The following DACH1 variants were observed in gnomAD, a reference collection of about 807,000 sequenced individuals.
DACH1 encodes the protein dachshund family transcription factor 1, also known as dachshund homolog 1.
DACH1 carries 12 observed loss-of-function variants against 54.2 expected under a neutral mutation model. The ratio of observed to expected loss-of-function variants is 0.22; its 90% CI spans 0.14 to 0.36. DACH1 has a LOEUF of 0.36. Ranked by LOEUF, DACH1 falls within the 10% of genes least tolerant of loss-of-function variation. The pLI is 1.00. For missense variants in DACH1, 805 were observed against 929.8 expected (o/e 0.87, Z 1.75); for synonymous variants, 386 against 366.2 (o/e 1.05, Z -0.62).
intron 6 of DACH1, among the ~76,000 whole-genome samples, chr13:71,532,591 C>T (rs1882486791): frequency 6.6e-6 from 1 of 151,838 alleles, no homozygotes; most frequent in African/African-American, 2.4e-5. Context: ...TTGGGGAGAA[C>T]TGAAAGGCGT....
chr13:71,443,057 T>G (rs1466362610), intron 10 of DACH1, among the ~76,000 whole-genome samples: 1 of 148,254 alleles, frequency 6.7e-6, no homozygotes, highest in East Asian at 1.9e-4. Context: ...ATATATATAA[T>G]TATATATATT....
rs540577917 is a variant in DACH1, at chr13:71,441,128, T to C, written c.2084-436A>G. The stretch of plus-strand genomic sequence containing the variant: ...TACTCTTTAGCAGTGTTGTTAAATA[T>C]ACCATGTAATGTAACTATTGTGCAC... On this transcript the variant is annotated intron_variant, in intron 10 of 10. Transcript: ENST00000613252. Among the ~76,000 whole-genome samples, 107 of 152,204 alleles carry C rather than the reference T, an allele frequency of 7.0e-4. 1 individual carries two copies. Among genetic ancestry groups the C allele is most frequent in the Non-Finnish European group, 1.0e-3 (68 of 67,934 alleles).
At chr13:71,443,911 GACATATTGTGTA>G (rs1874221307) in intron 10 of DACH1, among the ~76,000 whole-genome samples, 1 of 152,080 alleles carries the variant, frequency 6.6e-6, no homozygotes, top group Non-Finnish European at 1.5e-5. Context: ...GTACCATGTT[GACATATTGTGTA>G]ACATTTATTG....
intron 1 of DACH1, among the ~76,000 whole-genome samples, chr13:71,741,469 G>T (rs1426133509): frequency 6.6e-6 from 1 of 151,810 alleles, no homozygotes; most frequent in Non-Finnish European, 1.5e-5. Context: ...AAAGAGATTG[G>T]GACATTTTAT....
chr13:71,802,697 C>T (rs58798530), intron 1 of DACH1, among the ~76,000 whole-genome samples: 3,699 of 151,902 alleles, frequency 0.024, 165 homozygotes, highest in African/African-American at 0.084. Context: ...GAGTTGCAGG[C>T]TTTTGTGAAT....
At chr13:71,658,788 C>G (rs1216005731) in intron 2 of DACH1, among the ~76,000 whole-genome samples, 1 of 152,068 alleles carries the variant, frequency 6.6e-6, no homozygotes, top group Non-Finnish European at 1.5e-5. Context: ...AGAACTAATA[C>G]CAAAAATGTG....
intron 3 of DACH1, among the ~76,000 whole-genome samples, chr13:71,609,364 T>C (rs1229049673): frequency 6.6e-6 from 1 of 152,136 alleles, no homozygotes; most frequent in African/African-American, 2.4e-5. Flanking sequence ...CAATGATATG[T>C]GGATAAGAAT....
intron 1 of DACH1, among the ~76,000 whole-genome samples, chr13:71,797,282 A>C (rs919448463): frequency 3.3e-5 from 5 of 152,130 alleles, no homozygotes; most frequent in Admixed American, 3.3e-4. Flanking sequence ...TGAAGGATTT[A>C]GAAAAGAAAA....
intron 6 of DACH1, among the ~76,000 whole-genome samples, chr13:71,512,813 T>C (rs763987407): frequency 6.6e-6 from 1 of 151,978 alleles, no homozygotes; most frequent in Non-Finnish European, 1.5e-5. Flanking sequence ...GTTGTTTCAC[T>C]TATAAAACCC....
chr13:71,783,140 TA>T (rs1157234062), intron 1 of DACH1, among the ~76,000 whole-genome samples: 2 of 152,126 alleles, frequency 1.3e-5, no homozygotes, highest in African/African-American at 4.8e-5. Flanking sequence ...AGAAAGGAGT[TA>T]CAACACTATC....
chr13:71,682,518 T>C (rs1481984751), intron 1 of DACH1, among the ~76,000 whole-genome samples: 1 of 152,192 alleles, frequency 6.6e-6, no homozygotes, highest in Admixed American at 6.5e-5. Flanking sequence ...ACATATCTAA[T>C]GTGTGAAAAG....
chr13:71,560,010 TTTAC>T, intron 4 of DACH1, 55 bp from the exon 5 acceptor site: 1 of 1,425,420 alleles, frequency 7.0e-7, no homozygotes, highest in Middle Eastern at 2.0e-4. Flanking sequence ...ACAACGGATC[TTTAC>T]TTAATGAATG....
intron 1 of DACH1, among the ~76,000 whole-genome samples, chr13:71,864,394 T>C (rs1343026813): frequency 6.6e-6 from 1 of 152,126 alleles, no homozygotes; most frequent in African/African-American, 2.4e-5. Context: ...GAAGAAGTCT[T>C]TCTCCATGGA....
chr13:71,619,633 T>C (rs1876057655), intron 3 of DACH1, among the ~76,000 whole-genome samples: 1 of 151,850 alleles, frequency 6.6e-6, no homozygotes. Flanking sequence ...ATAAAATAAT[T>C]AAGAAAACAG....
intron 3 of DACH1, among the ~76,000 whole-genome samples, chr13:71,591,715 C>T (rs924452900): frequency 6.6e-5 from 10 of 152,086 alleles, no homozygotes; most frequent in African/African-American, 2.4e-4. Context: ...TTTGGGAACC[C>T]TCCCTTCCAG....
chr13:71,751,388 A>G (rs915325546), intron 1 of DACH1, among the ~76,000 whole-genome samples: 4 of 152,222 alleles, frequency 2.6e-5, no homozygotes, highest in Non-Finnish European at 5.9e-5. Flanking sequence ...CACAGATCAA[A>G]TTGAAACTGT....
intron 10 of DACH1, among the ~76,000 whole-genome samples, chr13:71,472,348 T>C (rs911886508): frequency 6.6e-6 from 1 of 152,182 alleles, no homozygotes; most frequent in Non-Finnish European, 1.5e-5. Flanking sequence ...TCTGTGGTTT[T>C]ATAGAAATGG....
intron 1 of DACH1, among the ~76,000 whole-genome samples, chr13:71,771,071 A>G (rs1885832544): frequency 6.6e-6 from 1 of 151,576 alleles, no homozygotes; most frequent in South Asian, 2.1e-4. Flanking sequence ...TTAGGGCTAC[A>G]TGGCCTTCAG....
intron 10 of DACH1, among the ~76,000 whole-genome samples, chr13:71,473,565 T>C (rs991788008): frequency 2.6e-5 from 4 of 152,226 alleles, no homozygotes; most frequent in Admixed American, 2.0e-4. Flanking sequence ...ATAGCCTTAT[T>C]AACAACCAAC....
Sources: allele counts gnomAD v4.1 joint callset (sites outside exome capture counted in the v4.1 genomes callset), GRCh38; gene constraint gnomAD v4.1.1; transcripts MANE v1.5; gene names NCBI Gene and HGNC (gene_info 2026-07-23, HGNC 2026-07-21).